SPOCK3: variants seen among roughly 807,000 people sequenced by gnomAD.
SPOCK3 encodes the protein SPARC (osteonectin), cwcv and kazal like domains proteoglycan 3.
Under a neutral mutation model 56.6 loss-of-function variants are expected in SPOCK3, and 30 were observed. The ratio of observed to expected loss-of-function variants is 0.53; its 90% CI spans 0.40 to 0.72. SPOCK3 has a LOEUF of 0.72. Among genes scored for constraint, SPOCK3 ranks in the 30% least tolerant of loss-of-function variants. The pLI, the probability that SPOCK3 is intolerant of heterozygous loss-of-function variation, is 0.00. For synonymous variants in SPOCK3, 196 were observed against 183.3 expected (o/e 1.07, Z -0.56); for missense variants, 527 against 530.0 (o/e 0.99, Z 0.06).
chr4:166,989,828 T>G (rs1747574825), intron 4 of SPOCK3, among the ~76,000 whole-genome samples: 1 of 152,188 alleles, frequency 6.6e-6, no homozygotes, highest in Non-Finnish European at 1.5e-5. Context: ...TTTATTTTTC[T>G]TTCATATAAT....
intron 5 of SPOCK3, among the ~76,000 whole-genome samples, chr4:166,893,794 A>G (rs745443487): frequency 5.3e-5 from 8 of 152,110 alleles, no homozygotes; most frequent in Non-Finnish European, 1.2e-4. Flanking sequence ...TGACTAATGT[A>G]TTATATTTTT....
At chr4:166,953,843 C>A (rs1301236227) in intron 4 of SPOCK3, among the ~76,000 whole-genome samples, 2 of 145,800 alleles carry the variant, frequency 1.4e-5, no homozygotes, top group Non-Finnish European at 3.1e-5. Context: ...GAACAAAAAA[C>A]CAAACACCGC....
chr4:166,920,963 A>G (rs1267382294), intron 4 of SPOCK3, among the ~76,000 whole-genome samples: 1 of 152,172 alleles, frequency 6.6e-6, no homozygotes, highest in African/African-American at 2.4e-5. Context: ...GTTCAGGGAG[A>G]CAAAACACAG....
intron 4 of SPOCK3, among the ~76,000 whole-genome samples, chr4:166,927,312 C>T (rs891903103): frequency 2.0e-5 from 3 of 152,108 alleles, no homozygotes; most frequent in Non-Finnish European, 2.9e-5. Flanking sequence ...TTTCTCCATA[C>T]AGTTCCTGTG....
At chr4:167,108,993 T>A (rs866249832) in intron 2 of SPOCK3, among the ~76,000 whole-genome samples, 3 of 5,704 alleles carry the variant, frequency 5.3e-4, no homozygotes, top group Non-Finnish European at 7.5e-4. Flanking sequence ...AATATATATT[T>A]ATATATATAT....
At chr4:166,936,469 T>C (rs1740418759) in intron 4 of SPOCK3, among the ~76,000 whole-genome samples, 1 of 152,132 alleles carries the variant, frequency 6.6e-6, no homozygotes, top group Admixed American at 6.5e-5. Flanking sequence ...TAGAAGTTTG[T>C]ACATTTAACC....
intron 2 of SPOCK3, among the ~76,000 whole-genome samples, chr4:167,169,209 G>C (rs1321851600): frequency 1.3e-5 from 2 of 152,214 alleles, no homozygotes; most frequent in African/African-American, 4.8e-5. Flanking sequence ...GTGCAGATGT[G>C]AGAAGATGGC....
intron 6 of SPOCK3, among the ~76,000 whole-genome samples, chr4:166,855,254 A>G (rs1730529342): frequency 6.6e-6 from 1 of 152,190 alleles, no homozygotes; most frequent in African/African-American, 2.4e-5. Flanking sequence ...CATTTCATTG[A>G]GAAATGCAAC....
Position 167,160,121 on chromosome 4 carries a change from T to C in SPOCK3, c.189+73864A>G, listed in dbSNP as rs930388639. ...AAATTGTCCCTGTTTGCAGATGACA[T>C]GATTGTATATTTAGAAAACCCCATT... On this transcript the variant is annotated intron_variant, in intron 2 of 10. Transcript: ENST00000357545. Among the ~76,000 whole-genome samples the C allele has an allele frequency of 3.3e-5, 5 of 152,282 alleles. 1 individual carries two copies. The highest frequency in any genetic ancestry group is 6.8e-3 in the Middle Eastern group (2 of 294).
Position 167,026,244 on chromosome 4 carries a change from T to C in SPOCK3, c.236-25781A>G, listed in dbSNP as rs1010283092. On this transcript the variant is annotated intron_variant, in intron 3 of 10. Coordinates refer to ENST00000357545, the MANE Select transcript of SPOCK3 (RefSeq NM_001040159.2). ...CACATACTGTAGAAAAGGGAAGAAC[T>C]GCCCAGGGAATCTCCTCACTTTATG... Among the ~76,000 whole-genome samples, 11 of 152,200 alleles carry C rather than the reference T, an allele frequency of 7.2e-5. No individual in the cohort carries two copies. In the East Asian group the frequency reaches 2.1e-3, roughly 29 times the overall value.
At chr4:166,826,318 G>T (rs916078047) in intron 6 of SPOCK3, among the ~76,000 whole-genome samples, 1 of 151,996 alleles carries the variant, frequency 6.6e-6, no homozygotes, top group Non-Finnish European at 1.5e-5. Flanking sequence ...TTACAATTTG[G>T]CAATTGAAGG....
chr4:166,966,918 A>G (rs1744800600), intron 4 of SPOCK3, among the ~76,000 whole-genome samples: 1 of 152,120 alleles, frequency 6.6e-6, no homozygotes, highest in Non-Finnish European at 1.5e-5. Context: ...TGAGCCCCAT[A>G]GATTCCAAAA....
chr4:167,114,460 A>G (rs1761165030), intron 2 of SPOCK3, among the ~76,000 whole-genome samples: 1 of 152,118 alleles, frequency 6.6e-6, no homozygotes, highest in Non-Finnish European at 1.5e-5. Flanking sequence ...GATTAAATAT[A>G]CGAGCTCCCT....
chr4:166,839,359 C>T lies in SPOCK3; in HGVS notation c.590-47070G>A, dbSNP rs567991467. ...TCATTGTTGTTGCTAAAATTACCTC[C>T]ACTGACAACAGGAAGAAGGGGTCTC... is the stretch of plus-strand genomic sequence containing the variant. On this transcript the variant is annotated intron_variant, in intron 6 of 10. Transcript: ENST00000357545. Among the ~76,000 whole-genome samples, 5 of 152,212 alleles carry T rather than the reference C, an allele frequency of 3.3e-5. No individual in the cohort carries two copies. In the South Asian group the frequency reaches 8.3e-4, roughly 25 times the overall value.
At chr4:167,160,792 G>A (rs2150439028) in intron 2 of SPOCK3, among the ~76,000 whole-genome samples, 1 of 152,214 alleles carries the variant, frequency 6.6e-6, no homozygotes, top group South Asian at 2.1e-4. Flanking sequence ...AAATGGGAAA[G>A]GACTCCCTAT....
At chr4:167,066,755 C>T (rs1004110032) in intron 2 of SPOCK3, among the ~76,000 whole-genome samples, 4 of 151,744 alleles carry the variant, frequency 2.6e-5, no homozygotes, top group Admixed American at 1.3e-4. Context: ...AAATAACATA[C>T]AAATATATCT....
intron 4 of SPOCK3, among the ~76,000 whole-genome samples, chr4:166,967,030 G>T (rs1247947750): frequency 1.3e-5 from 2 of 152,058 alleles, no homozygotes; most frequent in Non-Finnish European, 2.9e-5. Context: ...GCTAAATTTT[G>T]CCCTAAACTT....
chr4:166,875,984 G>GACCC (rs1553992448), intron 6 of SPOCK3, among the ~76,000 whole-genome samples: 2 of 152,052 alleles, frequency 1.3e-5, no homozygotes, highest in Non-Finnish European at 2.9e-5. Context: ...GAAGCAACAG[G>GACCC]AGCCCAGTGG....
intron 2 of SPOCK3, among the ~76,000 whole-genome samples, chr4:167,233,237 G>A (rs1737365997): frequency 6.6e-6 from 1 of 152,126 alleles, no homozygotes; most frequent in South Asian, 2.1e-4. Context: ...CTAGCTTCAA[G>A]TGTGGAAACC....
Sources: allele counts gnomAD v4.1 joint callset (sites outside exome capture counted in the v4.1 genomes callset), GRCh38; gene constraint gnomAD v4.1.1; transcripts MANE v1.5; gene names NCBI Gene and HGNC (gene_info 2026-07-23, HGNC 2026-07-21).